CNTLN: variants seen among roughly 807,000 people sequenced by gnomAD.
CNTLN encodes centlein, centrosomal protein.
CNTLN carries 212 observed loss-of-function variants against 180.0 expected under a neutral mutation model. That is an observed-to-expected ratio of 1.18 (90% CI 1.05 to 1.32). The LOEUF (loss-of-function observed/expected upper bound fraction) is 1.32, where lower values mean the gene tolerates loss of function less well. Ranked by LOEUF, CNTLN falls within the 40% of genes most tolerant of loss-of-function variation. The pLI, the probability that CNTLN is intolerant of heterozygous loss-of-function variation, is 0.00. For missense variants in CNTLN, 2,095 were observed against 1,610.9 expected (o/e 1.30, Z -5.14); for synonymous variants, 722 against 563.1 (o/e 1.28, Z -3.99).
intron 18 of CNTLN, among the ~76,000 whole-genome samples, chr9:17,446,329 G>A (rs1036106549): frequency 6.6e-6 from 1 of 152,114 alleles, no homozygotes; most frequent in African/African-American, 2.4e-5. Context: ...CACCCCTACA[G>A]ACCCTATCAT....
At chr9:17,365,522 A>G (rs941725018) in intron 12 of CNTLN, among the ~76,000 whole-genome samples, 16 of 152,318 alleles carry the variant, frequency 1.1e-4, no homozygotes, top group African/African-American at 3.8e-4. Flanking sequence ...TTCTGGTCAA[A>G]TACTCACAAT....
the CNTLN span, among the ~76,000 whole-genome samples, chr9:17,522,879 A>G: frequency 3.5e-4 from 53 of 151,652 alleles, no homozygotes; most frequent in African/African-American, 1.2e-3. Flanking sequence ...ATTCCTGTCT[A>G]CTTCTCCAAG....
chr9:17,187,335 C>G (rs1293688662), intron 2 of CNTLN, among the ~76,000 whole-genome samples: 1 of 152,032 alleles, frequency 6.6e-6, no homozygotes, highest in Non-Finnish European at 1.5e-5. Flanking sequence ...AATATTCCTT[C>G]TACCTGGTTC....
chr9:17,396,458 C>T lies in CNTLN; in HGVS notation c.2615+1389C>T, dbSNP rs140733938. On this transcript the variant is annotated intron_variant, in intron 15 of 25. Coordinates refer to ENST00000380647, the MANE Select transcript of CNTLN (RefSeq NM_017738.4). ...AATTGCTAACAAATTGCCCAATTTG[C>T]CATAATTTTAAAAATTCTGCCTTGT... 5.9e-3 allele frequency among the ~76,000 whole-genome samples: 903 copies of T among 152,228 alleles called. 5 individuals carry two copies. The highest frequency in any genetic ancestry group is 0.034 in the Middle Eastern group (10 of 294).
At chr9:17,291,588 T>C (rs891852020) in intron 6 of CNTLN, among the ~76,000 whole-genome samples, 5 of 152,198 alleles carry the variant, frequency 3.3e-5, no homozygotes, top group African/African-American at 1.2e-4. Flanking sequence ...TTGATCCCTG[T>C]TGGTTTAAAG....
At chr9:17,515,684 C>T in the CNTLN span, among the ~76,000 whole-genome samples, 1 of 152,112 alleles carries the variant, frequency 6.6e-6, no homozygotes, top group Non-Finnish European at 1.5e-5. Flanking sequence ...CTGACTCTAC[C>T]CTCAGAACGT....
downstream of CNTLN, among the ~76,000 whole-genome samples, chr9:17,507,055 A>C (rs1440463734): frequency 6.6e-6 from 1 of 152,134 alleles, no homozygotes; most frequent in Non-Finnish European, 1.5e-5. Context: ...AATACATTGC[A>C]TGATTCTGAG....
At chr9:17,388,598 A>G (rs2133666261) in intron 14 of CNTLN, among the ~76,000 whole-genome samples, 1 of 152,158 alleles carries the variant, frequency 6.6e-6, no homozygotes, top group African/African-American at 2.4e-5. Flanking sequence ...ACTTCCACAA[A>G]TATAGAGATT....
At chr9:17,207,963 T>C (rs1015445664) in intron 2 of CNTLN, among the ~76,000 whole-genome samples, 1 of 152,190 alleles carries the variant, frequency 6.6e-6, no homozygotes, top group African/African-American at 2.4e-5. Flanking sequence ...TATTTCATTC[T>C]CTTGTCTGAT....
chr9:17,263,728 C>T lies in CNTLN; in HGVS notation c.850-10005C>T, dbSNP rs1422076008. On this transcript the variant is annotated intron_variant, in intron 5 of 25. Coordinates refer to ENST00000380647, the MANE Select transcript of CNTLN (RefSeq NM_017738.4). The stretch of plus-strand genomic sequence containing the variant: ...TGTTGTTTCCTGACTTTTTAATGAT[C>T]ACCATTCTAACTGGTGTGAGATGGT... Among the ~76,000 whole-genome samples, 7 of 144,798 alleles carry T rather than the reference C, an allele frequency of 4.8e-5. 1 individual carries two copies. Among genetic ancestry groups the T allele is most frequent in the Admixed American group, 1.4e-4 (2 of 14,592 alleles). 95.0% of individuals were successfully genotyped at this position (144,798 alleles called of 152,430 possible).
chr9:17,339,515 T>A (rs900776275), intron 10 of CNTLN, among the ~76,000 whole-genome samples: 4 of 152,222 alleles, frequency 2.6e-5, no homozygotes, highest in African/African-American at 9.6e-5. Flanking sequence ...ATTTCAATGG[T>A]GTTCTTAAGA....
chr9:17,462,924 T>A lies in CNTLN; in HGVS notation c.3315T>A (p.Thr1105=). The part of the protein sequence containing the change: ...KQLQYKLKNA[T]NELTKQSSNV... Reference sequence around the variant, plus strand: ...TTCTATTTTTAATCTAGAATGCTACTAATGAACTCACTAAACAGTCATCAA... The same window carrying A: ...TTCTATTTTTAATCTAGAATGCTACAAATGAACTCACTAAACAGTCATCAA... The change falls in exon 20 of 26, where the codon ACT becomes ACA. Residue 1105 remains threonine (T), a synonymous_variant. Transcript: ENST00000380647. The A allele has an allele frequency of 1.3e-6, 2 of 1,541,790 alleles. No individual in the cohort carries two copies.
intron 2 of CNTLN, among the ~76,000 whole-genome samples, chr9:17,202,646 G>GTTTTTT (rs57960408): frequency 3.5e-4 from 25 of 71,470 alleles, no homozygotes; most frequent in African/African-American, 6.9e-4. Flanking sequence ...TGCAACCTCT[G>GTTTTTT]TTTTTTTTTT....
intron 14 of CNTLN, among the ~76,000 whole-genome samples, chr9:17,391,666 A>T (rs938898052): frequency 5.9e-5 from 9 of 152,210 alleles, no homozygotes; most frequent in Non-Finnish European, 1.3e-4. Context: ...TTTATAACAT[A>T]ATTTAATTGA....
intron 13 of CNTLN, among the ~76,000 whole-genome samples, chr9:17,380,659 A>C (rs958994476): frequency 2.6e-5 from 4 of 152,182 alleles, no homozygotes; most frequent in Non-Finnish European, 4.4e-5. Context: ...TAGATTCCTC[A>C]GTCTTTACTG....
At chr9:17,279,693 C>T (rs1248649855) in intron 6 of CNTLN, among the ~76,000 whole-genome samples, 1 of 151,776 alleles carries the variant, frequency 6.6e-6, no homozygotes, top group African/African-American at 2.4e-5. Context: ...TGTTTCCTGT[C>T]AAACCTGGTC....
At chr9:17,426,761 C>T (rs1829108267) in intron 18 of CNTLN, among the ~76,000 whole-genome samples, 1 of 152,004 alleles carries the variant, frequency 6.6e-6, no homozygotes, top group South Asian at 2.1e-4. Context: ...GATGTTTCTA[C>T]ATGTGTGTAC....
intron 12 of CNTLN, among the ~76,000 whole-genome samples, chr9:17,349,419 A>C (rs1303184876): frequency 6.6e-6 from 1 of 152,192 alleles, no homozygotes; most frequent in East Asian, 1.9e-4. Context: ...ATCTACAAAA[A>C]AAGATATACT....
At chr9:17,306,146 AT>A (rs572150057) in intron 7 of CNTLN, among the ~76,000 whole-genome samples, 9,613 of 127,810 alleles carry the variant, frequency 0.075, 372 homozygotes, top group South Asian at 0.16. Context: ...TTAGTCGTCT[AT>A]TTTTTTTTTT....
Sources: gnomAD v4.1 joint callset for allele counts (sites outside exome capture counted in the v4.1 genomes callset) on GRCh38, gnomAD v4.1.1 for gene constraint, MANE v1.5 for transcripts, NCBI Gene and HGNC (gene_info 2026-07-23, HGNC 2026-07-21) for gene names.